Variants in ANTXR2 observed in about 807,000 individuals in gnomAD.
The protein encoded by ANTXR2 is anthrax toxin receptor 2.
A neutral mutation model predicts 73.7 loss-of-function variants in ANTXR2; 44 were observed. The observed-to-expected ratio is 0.60, with a 90% CI of 0.47 to 0.77. The LOEUF (loss-of-function observed/expected upper bound fraction) is 0.77, where lower values mean the gene tolerates loss of function less well. Ranked by LOEUF, ANTXR2 falls within the 30% of genes least tolerant of loss-of-function variation. The pLI, the probability that ANTXR2 is intolerant of heterozygous loss-of-function variation, is 0.00. For missense variants in ANTXR2, 604 were observed against 592.5 expected, an observed-to-expected ratio of 1.02 and a Z score of -0.20; for synonymous variants, 217 against 205.9, an observed-to-expected ratio of 1.05 and a Z score of -0.46.
chr4:79,979,368 C>CTT (rs1729786436), intron 14 of ANTXR2, among the ~76,000 whole-genome samples: 1 of 151,124 alleles, frequency 6.6e-6, no homozygotes. Flanking sequence ...ACCGAGGGCA[C>CTT]ACTATGACAC....
rs554144533 is a variant in ANTXR2, at chr4:79,973,153, T to G, written c.1428+4468A>C. ...GGGAGGAAGGGAAGTAAGATAGCAC[T>G]CTAGAGATGGTGAAACCAAAATAGT... On this transcript the variant is annotated intron_variant, in intron 16 of 16. Coordinates refer to ENST00000403729, the MANE Select transcript of ANTXR2 (RefSeq NM_058172.6). Among the ~76,000 whole-genome samples the G allele has an allele frequency of 5.3e-4, 80 of 152,084 alleles. 1 individual carries two copies. The highest frequency in any genetic ancestry group is 1.9e-3 in the African/African-American group (79 of 41,478).
At chr4:80,035,836 A>T (rs1458258630) in intron 8 of ANTXR2, 136 bp downstream of exon 8, 3 of 695,938 alleles carry the variant, frequency 4.3e-6, no homozygotes, top group East Asian at 2.9e-5. Flanking sequence ...GGAATTATTT[A>T]AAAATTCTTA....
At chr4:79,998,269 T>C (rs1196675952) in intron 12 of ANTXR2, among the ~76,000 whole-genome samples, 3 of 151,984 alleles carry the variant, frequency 2.0e-5, no homozygotes. Flanking sequence ...ATCTATGAGA[T>C]CTTTATGTAA....
At chr4:80,064,875 G>C (rs1734425114) in intron 3 of ANTXR2, among the ~76,000 whole-genome samples, 1 of 152,194 alleles carries the variant, frequency 6.6e-6, no homozygotes, top group African/African-American at 2.4e-5. Context: ...GGGAAACACT[G>C]GCTTTCCAGT....
chr4:80,071,412 C>T (rs1734780013), intron 2 of ANTXR2, among the ~76,000 whole-genome samples, 171 bp downstream of exon 2: 1 of 152,130 alleles, frequency 6.6e-6, no homozygotes, highest in Admixed American at 6.5e-5. Context: ...ATGAAATAAG[C>T]CCTCAAGGAC....
Position 80,035,987 on chromosome 4 carries a change from T to C in ANTXR2, c.682A>G (p.Ser228Gly). Residue 228 changes from serine (S) to glycine (G), a missense_variant, in exon 8 of 17, where the codon AGT becomes GGT. Ser to Gly is a moderately conservative substitution (Grantham distance 56). Coordinates refer to ENST00000403729, the MANE Select transcript of ANTXR2 (RefSeq NM_058172.6). Reference sequence around the variant, plus strand: ...AAACACTTACCCCCCACACAGACACTTGAGGGCTGCAATTCTAGGATTTCA... The same window carrying C: ...AAACACTTACCCCCCACACAGACACCTGAGGGCTGCAATTCTAGGATTTCA... ...CTEILELQPS[S>G]VCVGEEFQIV... is the part of the protein sequence containing the mutation. 6.5e-7 allele frequency: 1 copy of C among 1,540,416 alleles called. No homozygotes were observed.
intron 7 of ANTXR2, among the ~76,000 whole-genome samples, chr4:80,039,836 C>A (rs1733150699): frequency 6.6e-6 from 1 of 152,036 alleles, no homozygotes; most frequent in African/African-American, 2.4e-5. Context: ...CATCGCAGCA[C>A]TGTTCACAGC....
intron 3 of ANTXR2, among the ~76,000 whole-genome samples, chr4:80,067,249 A>G (rs569005499): frequency 6.6e-6 from 1 of 152,172 alleles, no homozygotes; most frequent in East Asian, 1.9e-4. Flanking sequence ...TCTGTAACCT[A>G]TCTCAGTGTC....
chr4:80,055,839 G>T, intron 4 of ANTXR2, 93 bp downstream of exon 4: 1 of 918,442 alleles, frequency 1.1e-6, no homozygotes, highest in Non-Finnish European at 1.6e-6. Flanking sequence ...AGATAAATAT[G>T]TAATGAGGTT....
At chr4:79,915,495 C>T (rs2109934784) in intron 16 of ANTXR2, among the ~76,000 whole-genome samples, 1 of 152,208 alleles carries the variant, frequency 6.6e-6, no homozygotes, top group Non-Finnish European at 1.5e-5. Context: ...CATTGACAAG[C>T]TGAAGCAAAC....
intron 16 of ANTXR2, among the ~76,000 whole-genome samples, chr4:79,929,122 C>T (rs1204781472): frequency 2.0e-5 from 3 of 152,130 alleles, no homozygotes; most frequent in African/African-American, 7.2e-5. Context: ...TACGGGTCTC[C>T]CTGTCTATTG....
chr4:79,943,706 G>C (rs1273365713), intron 16 of ANTXR2, among the ~76,000 whole-genome samples: 1 of 143,586 alleles, frequency 7.0e-6, no homozygotes, highest in Non-Finnish European at 1.5e-5. Flanking sequence ...TGCACAATGT[G>C]CACATGTACC....
At chr4:79,977,363 C>T (rs1271041624) in intron 16 of ANTXR2, 2 of 294,558 alleles carry the variant, frequency 6.8e-6, no homozygotes, top group Non-Finnish European at 1.0e-5. Context: ...AATGATTGTG[C>T]TTATTAAAGT....
intron 16 of ANTXR2, among the ~76,000 whole-genome samples, chr4:79,937,130 T>C (rs555591278): frequency 1.3e-5 from 2 of 152,240 alleles, no homozygotes; most frequent in Non-Finnish European, 2.9e-5. Flanking sequence ...AAGCTTTTAA[T>C]TCAGTTATAA....
intron 16 of ANTXR2, among the ~76,000 whole-genome samples, chr4:79,955,991 C>G (rs1159953009): frequency 6.6e-6 from 1 of 152,104 alleles, no homozygotes; most frequent in Non-Finnish European, 1.5e-5. Context: ...TAGTTCATCC[C>G]TCTTGTGCTT....
At chr4:80,060,184 G>A (rs1370137959) in intron 3 of ANTXR2, among the ~76,000 whole-genome samples, 1 of 152,130 alleles carries the variant, frequency 6.6e-6, no homozygotes, top group Non-Finnish European at 1.5e-5. Flanking sequence ...CTCACATAAA[G>A]CTCTATATAT....
At chr4:80,058,003 G>C (rs963490892) in intron 3 of ANTXR2, among the ~76,000 whole-genome samples, 4 of 152,020 alleles carry the variant, frequency 2.6e-5, no homozygotes, top group African/African-American at 7.2e-5. Context: ...ACTTGAAACT[G>C]ATTGTGTCTG....
chr4:79,984,901 T>A, intron 12 of ANTXR2, 38 bp from the exon 13 acceptor site: 1 of 1,481,910 alleles, frequency 6.7e-7, no homozygotes, highest in South Asian at 1.2e-5. Flanking sequence ...TTCTATGGCA[T>A]AGAGAGGAGA....
intron 7 of ANTXR2, among the ~76,000 whole-genome samples, chr4:80,040,851 A>G (rs1733207399): frequency 6.6e-6 from 1 of 152,046 alleles, no homozygotes; most frequent in Non-Finnish European, 1.5e-5. Flanking sequence ...CCAAAAAGTA[A>G]TATTAGTATT....
Sources: allele counts gnomAD v4.1 joint callset (sites outside exome capture counted in the v4.1 genomes callset), GRCh38; gene constraint gnomAD v4.1.1; transcripts MANE v1.5; gene names NCBI Gene and HGNC (gene_info 2026-07-23, HGNC 2026-07-21).